Variants in BRINP3 observed in about 807,000 individuals in gnomAD.
The protein encoded by BRINP3 is BMP/retinoic acid inducible neural specific 3.
A neutral mutation model predicts 71.0 loss-of-function variants in BRINP3; 19 were observed. The observed-to-expected ratio is 0.27, with a 90% CI of 0.19 to 0.39. The LOEUF (loss-of-function observed/expected upper bound fraction) is 0.39, where lower values mean the gene tolerates loss of function less well. Among genes scored for constraint, BRINP3 ranks in the 10% least tolerant of loss-of-function variants. The probability of loss-of-function intolerance (pLI) is 1.00; values close to 1 mark genes in which losing one functional copy is unlikely to be tolerated. For missense variants in BRINP3, 959 were observed against 940.8 expected, an observed-to-expected ratio of 1.02 and a Z score of -0.25; for synonymous variants, 380 against 337.7, an observed-to-expected ratio of 1.13 and a Z score of -1.37.
At chr1:190,260,215 A>C (rs1008563135) in intron 4 of BRINP3, among the ~76,000 whole-genome samples, 1 of 152,126 alleles carries the variant, frequency 6.6e-6, no homozygotes, top group Admixed American at 6.6e-5. Flanking sequence ...ATAAATGTAG[A>C]GATCCAATGT....
In BRINP3 at chr1:190,164,155, G is replaced by A. The variant is rs543370709; in HGVS notation, c.962-3265C>T. Among the ~76,000 whole-genome samples, 83 of 152,092 alleles carry A rather than the reference G, an allele frequency of 5.5e-4. 1 individual carries two copies. The South Asian group carries it at 0.016, about 30-fold the overall frequency. On this transcript the variant is annotated intron_variant, in intron 6 of 7. Transcript: ENST00000367462. ...GGAATTTTTGCCCTTACTAATAAACGTAAAAAAACTTTGACCAATGCAGTT... is the reference window on the plus strand; with the variant it reads ...GGAATTTTTGCCCTTACTAATAAACATAAAAAAACTTTGACCAATGCAGTT...
At chr1:190,146,742 G>T (rs1655922866) in intron 7 of BRINP3, among the ~76,000 whole-genome samples, 1 of 151,894 alleles carries the variant, frequency 6.6e-6, no homozygotes, top group African/African-American at 2.4e-5. Context: ...TGAATATTTG[G>T]CAATCCTAGT....
intron 2 of BRINP3, among the ~76,000 whole-genome samples, chr1:190,453,272 G>C (rs1201857823): frequency 7.9e-6 from 1 of 126,410 alleles, no homozygotes; most frequent in Non-Finnish European, 1.6e-5. Flanking sequence ...CCAGGCTGGA[G>C]TGTAGTGGCG....
chr1:190,308,225 C>T (rs550443968), intron 2 of BRINP3, among the ~76,000 whole-genome samples: 9 of 149,842 alleles, frequency 6.0e-5, no homozygotes, highest in Non-Finnish European at 1.0e-4. Flanking sequence ...TTATATTTAA[C>T]GGCAACCTAA....
At chr1:190,317,629 A>G (rs577129588) in intron 2 of BRINP3, among the ~76,000 whole-genome samples, 1 of 148,898 alleles carries the variant, frequency 6.7e-6, no homozygotes, top group African/African-American at 2.5e-5. Flanking sequence ...GTTCTTAAGA[A>G]AGTCACATTG....
chr1:190,105,740 A>C (rs984023019), intron 7 of BRINP3, among the ~76,000 whole-genome samples: 2 of 152,048 alleles, frequency 1.3e-5, no homozygotes, highest in African/African-American at 4.8e-5. Context: ...AAATGTGCTT[A>C]CTTCTCAAAG....
chr1:190,170,238 C>A (rs1230862413), intron 6 of BRINP3, among the ~76,000 whole-genome samples: 4 of 151,516 alleles, frequency 2.6e-5, no homozygotes, highest in Admixed American at 2.6e-4. Flanking sequence ...ATTGACAGAC[C>A]AACCTATGAG....
At chr1:190,391,476 G>A (rs1053900616) in intron 2 of BRINP3, among the ~76,000 whole-genome samples, 5 of 151,648 alleles carry the variant, frequency 3.3e-5, no homozygotes, top group African/African-American at 1.2e-4. Context: ...ACTATCAATA[G>A]CAACTTGTCA....
At chr1:190,387,389 G>A (rs1670980055) in intron 2 of BRINP3, among the ~76,000 whole-genome samples, 1 of 151,862 alleles carries the variant, frequency 6.6e-6, no homozygotes, top group Non-Finnish European at 1.5e-5. Flanking sequence ...TTAATCCTAG[G>A]CAGCATTAAT....
intron 2 of BRINP3, among the ~76,000 whole-genome samples, chr1:190,379,238 T>C (rs1224548022): frequency 6.6e-6 from 1 of 152,160 alleles, no homozygotes; most frequent in African/African-American, 2.4e-5. Context: ...TATTCAGACA[T>C]TTATGAATTA....
chr1:190,453,203 A>ATTTTTTGTTTTTTTTT (rs1675745570), intron 2 of BRINP3, among the ~76,000 whole-genome samples: 1 of 40,888 alleles, frequency 2.4e-5, no homozygotes, highest in Non-Finnish European at 4.2e-5. Context: ...AAACTTTAGT[A>ATTTTTTGTTTTTTTTT]TTTTTTTTTT....
chr1:190,450,574 T>C (rs1675539768), intron 2 of BRINP3, among the ~76,000 whole-genome samples: 2 of 152,168 alleles, frequency 1.3e-5, no homozygotes, highest in Non-Finnish European at 2.9e-5. Context: ...AAAACAACTC[T>C]TTATCAGTAA....
At position 190,453,203 on chromosome 1, in the gene BRINP3, ATTTTTTTTTTTTTTTTTT is replaced by A. The variant is rs1190785225; in HGVS notation, c.236+1434_236+1451del. Among the ~76,000 whole-genome samples the A allele has an allele frequency of 6.1e-4, 25 of 40,910 alleles. 1 individual carries two copies. Among genetic ancestry groups the A allele is most frequent in the Admixed American group, 5.3e-3 (12 of 2,276 alleles). The allele number at this position is 40,910 out of a possible 152,430, so 26.8% of individuals were successfully genotyped here. ...ACTTTTCAGAAAGAAAAACTTTAGT[ATTTTTTTTTTTTTTTTTT>A]TTTTTTTTTTTTTTTTTGAGACGGA... On this transcript the variant is annotated intron_variant, in intron 2 of 7. Transcript: ENST00000367462.
intron 2 of BRINP3, among the ~76,000 whole-genome samples, chr1:190,349,792 T>C (rs1668254845): frequency 6.6e-6 from 1 of 152,148 alleles, no homozygotes; most frequent in South Asian, 2.1e-4. Context: ...AAAATGTATA[T>C]ATTCCAGCCT....
At chr1:190,242,390 T>G (rs2102774812) in intron 4 of BRINP3, among the ~76,000 whole-genome samples, 1 of 152,186 alleles carries the variant, frequency 6.6e-6, no homozygotes, top group Non-Finnish European at 1.5e-5. Context: ...ATTGTCAATA[T>G]TTTCTTGGGC....
intron 7 of BRINP3, among the ~76,000 whole-genome samples, chr1:190,113,534 C>T (rs1652867480): frequency 2.0e-5 from 3 of 152,152 alleles, no homozygotes; most frequent in Non-Finnish European, 4.4e-5. Flanking sequence ...CAGCATGTGT[C>T]TCCTTTAAGG....
chr1:190,171,296 T>C (rs145487032), intron 6 of BRINP3, among the ~76,000 whole-genome samples: 18 of 152,314 alleles, frequency 1.2e-4, no homozygotes, highest in African/African-American at 3.8e-4. Context: ...GCCAACAGTA[T>C]GTTGATCAAC....
intron 2 of BRINP3, among the ~76,000 whole-genome samples, chr1:190,294,561 G>A (rs780443426): frequency 6.6e-6 from 1 of 152,044 alleles, no homozygotes; most frequent in Non-Finnish European, 1.5e-5. Flanking sequence ...CCTCAAAACA[G>A]CTATTTTCAG....
intron 2 of BRINP3, among the ~76,000 whole-genome samples, chr1:190,375,082 A>G (rs1018520714): frequency 3.3e-5 from 5 of 152,062 alleles, no homozygotes; most frequent in African/African-American, 9.6e-5. Context: ...AGCATTTCAA[A>G]TAAATCAGGT....
Sources: gnomAD v4.1 joint callset for allele counts (sites outside exome capture counted in the v4.1 genomes callset) on GRCh38, gnomAD v4.1.1 for gene constraint, MANE v1.5 for transcripts, NCBI Gene and HGNC (gene_info 2026-07-23, HGNC 2026-07-21) for gene names.